LONP1: variants seen among roughly 807,000 people sequenced by gnomAD.
LONP1 encodes lon peptidase 1, mitochondrial.
In LONP1, 31 loss-of-function variants were observed where a neutral mutation model predicts 98.5. The observed-to-expected ratio is 0.31, with a 90% CI of 0.24 to 0.42. The LOEUF is 0.42. Ranked by LOEUF, LONP1 falls within the 20% of genes least tolerant of loss-of-function variation. The probability of loss-of-function intolerance (pLI) is 1.00; values close to 1 mark genes in which losing one functional copy is unlikely to be tolerated. For synonymous variants in LONP1, 781 were observed against 594.7 expected, an observed-to-expected ratio of 1.31 and a Z score of -4.56; for missense variants, 1,336 against 1,350.6, an observed-to-expected ratio of 0.99 and a Z score of 0.17.
In LONP1 at chr19:5,719,950, A is replaced by G; in HGVS notation, c.183T>C (p.Ile61=). 6.4e-7 allele frequency: 1 copy of G among 1,567,402 alleles called. No individual in the cohort carries two copies. The highest frequency in any genetic ancestry group is 8.6e-7 in the Non-Finnish European group (1 of 1,158,840). ...CCCAAAACCCCCGCCATTGGCCCCC[A>G]ATTGCCGGGCCTCGGCCCCACAGTG... The part of the protein sequence containing the change: ...PWALWGRGPA[I]GGQWRGFWEA... The change falls in exon 1 of 18, where the codon ATT becomes ATC. Residue 61 remains isoleucine, a synonymous_variant. Transcript: ENST00000360614.
At chr19:5,700,288 T>A (rs1213601355) in intron 9 of LONP1, among the ~76,000 whole-genome samples, 2 of 152,078 alleles carry the variant, frequency 1.3e-5, no homozygotes, top group African/African-American at 4.8e-5. Flanking sequence ...TAATTTTGTA[T>A]TTTTAGTATA....
In LONP1 at chr19:5,691,971, A is replaced by G. The variant is rs1292053746; in HGVS notation, c.*61T>C. On this transcript the variant is annotated 3_prime_UTR_variant, in exon 18 of 18. Transcript: ENST00000360614. ...TGCCAGGTCCGGGCGCGCTCCCCAC[A>G]GCGCTCAGTTCTGGCCCAGACAGGG... 1 of 886,428 alleles carries G rather than the reference A, an allele frequency of 1.1e-6. No homozygotes were observed. The highest frequency in any genetic ancestry group is 1.6e-5 in the African/African-American group (1 of 63,396). 54.9% of individuals were successfully genotyped at this position (886,428 alleles called of 1,614,324 possible).
chr19:5,714,327 G>A, intron 1 of LONP1, 56 bp from the exon 2 acceptor site: 1 of 1,211,308 alleles, frequency 8.3e-7, no homozygotes, highest in East Asian at 2.4e-5. Context: ...TTTTGAGACA[G>A]AGTCTCATTC....
chr19:5,716,293 T>C (rs924174097), intron 1 of LONP1, among the ~76,000 whole-genome samples: 1 of 110,688 alleles, frequency 9.0e-6, no homozygotes, highest in African/African-American at 3.3e-5. Flanking sequence ...TATATATATA[T>C]ATATATAGTA....
rs777582302 is a variant in LONP1 at position 5,719,735 on chromosome 19, G to A, written c.398C>T (p.Pro133Leu). ...AATCTTGATAAAGCGCGGGAACACC[G>A]GGTTGCGGGTGATGGCGATGAGCGG... The part of the protein sequence containing the change: ...HLPLIAITRN[P>L]VFPRFIKIIE... The change falls in exon 1 of 18, where the codon CCG becomes CTG. Residue 133 changes from proline (P) to leucine (L), a missense_variant. Physicochemically the swap from Pro to Leu is moderately conservative, Grantham distance 98. This residue lies in a region of LONP1 where 457 missense variants were observed against 403.1 expected (regional missense o/e 1.13). Transcript: ENST00000360614. The A allele has an allele frequency of 5.6e-6, 9 of 1,613,738 alleles. No individual in the cohort carries two copies. Among genetic ancestry groups the A allele is most frequent in the South Asian group, 1.1e-5 (1 of 91,088 alleles).
At chr19:5,700,677 A>C (rs1208328462) in intron 9 of LONP1, 112 bp downstream of exon 9, 5 of 1,422,742 alleles carry the variant, frequency 3.5e-6, no homozygotes, top group Non-Finnish European at 4.8e-6. Flanking sequence ...CAGCACCCCC[A>C]GGCCTACGAA....
intron 10 of LONP1, among the ~76,000 whole-genome samples, chr19:5,697,990 C>T (rs1479505725): frequency 3.4e-5 from 5 of 148,966 alleles, no homozygotes; most frequent in Non-Finnish European, 3.0e-5. Flanking sequence ...CCCACCCCTC[C>T]ACCTTCACCC....
In LONP1 at chr19:5,719,941, T is replaced by A; in HGVS notation, c.192A>T (p.Gln64His). Residue 64 changes from glutamine to histidine, a missense_variant, in exon 1 of 18, where the codon CAA becomes CAT. This residue lies in a region of LONP1 where 457 missense variants were observed against 403.1 expected (regional missense o/e 1.13). Coordinates refer to ENST00000360614, the MANE Select transcript of LONP1 (RefSeq NM_004793.4). ...LWGRGPAIGG[Q>H]WRGFWEASSR... The stretch of plus-strand genomic sequence containing the variant: ...TGCTCGCTTCCCAAAACCCCCGCCA[T>A]TGGCCCCCAATTGCCGGGCCTCGGC... 6.4e-7 allele frequency: 1 copy of A among 1,563,324 alleles called. No individual in the cohort carries two copies. The highest frequency in any genetic ancestry group is 8.6e-7 in the Non-Finnish European group (1 of 1,156,262).
At chr19:5,717,467 CA>C (rs1167550403) in intron 1 of LONP1, 2 of 152,246 alleles carry the variant, frequency 1.3e-5, no homozygotes, top group Non-Finnish European at 2.9e-5. Flanking sequence ...TGCAGCCACT[CA>C]TTTAACTCTC....
At chr19:5,716,016 G>A (rs944267711) in intron 1 of LONP1, among the ~76,000 whole-genome samples, 1 of 151,678 alleles carries the variant, frequency 6.6e-6, no homozygotes, top group South Asian at 2.1e-4. Context: ...GAAGGCGCAA[G>A]GAGCTCACCT....
At chr19:5,714,064 A>T in intron 2 of LONP1, 119 bp downstream of exon 2, 2 of 709,754 alleles carry the variant, frequency 2.8e-6, no homozygotes, top group Non-Finnish European at 4.7e-6. Flanking sequence ...TTTATTCTGG[A>T]GGTCTTCCCT....
At position 5,697,533 on chromosome 19, in the gene LONP1, G is replaced by A. The variant is rs955519192; in HGVS notation, c.1686-776C>T. Among the ~76,000 whole-genome samples, 6 of 140,178 alleles carry A rather than the reference G, an allele frequency of 4.3e-5. No homozygotes were observed. The East Asian group carries it at 8.8e-4, about 21-fold the overall frequency. The allele number at this position is 140,178 out of a possible 152,430, so 92.0% of individuals were successfully genotyped here. A position where few individuals can be genotyped will look rare whatever the true frequency, so the allele number is the denominator to read the frequency against. ...GGGGGGAGAGAAGAGGGAGGAGAGG[G>A]GGAAGAGGGAGGAGATGGAGAGGGA... On this transcript the variant is annotated intron_variant, in intron 10 of 17. Transcript: ENST00000360614.
intron 1 of LONP1, 142 bp downstream of exon 1, chr19:5,719,562 A>G: frequency 6.8e-7 from 1 of 1,478,692 alleles, no homozygotes; most frequent in Non-Finnish European, 9.1e-7. Context: ...AGTGGTGAGC[A>G]GACAAGGATT....
intron 13 of LONP1, 69 bp from the exon 14 acceptor site, chr19:5,694,970 G>T: frequency 2.0e-6 from 3 of 1,527,336 alleles, no homozygotes; most frequent in Non-Finnish European, 2.7e-6. Flanking sequence ...GAACCTGGGA[G>T]CCAATGCCTC....
intron 3 of LONP1, among the ~76,000 whole-genome samples, chr19:5,712,695 G>A (rs1371419019): frequency 2.0e-5 from 3 of 152,022 alleles, no homozygotes; most frequent in African/African-American, 4.8e-5. Flanking sequence ...GGGTCTTGCT[G>A]TGTTGCCCAG....
rs1486976217 is a variant in LONP1 at position 5,702,240 on chromosome 19, TGGGA to T, written c.1368-1317_1368-1314del. Among the ~76,000 whole-genome samples the T allele has an allele frequency of 3.6e-3, 366 of 101,556 alleles. 2 individuals carry two copies. The highest frequency in any genetic ancestry group is 5.0e-3 in the Non-Finnish European group (220 of 43,940). The allele number at this position is 101,556 out of a possible 152,430, so 66.6% of individuals were successfully genotyped here. ...CCCCCGCCCGGCTAGCCGCCCCGTCTGGGAGGGAGGTTGGGGGGGGGGTCAGCCC... is the reference window on the plus strand; with the variant it reads ...CCCCCGCCCGGCTAGCCGCCCCGTCTGGGAGGTTGGGGGGGGGGTCAGCCC... On this transcript the variant is annotated intron_variant, in intron 8 of 17. Coordinates refer to ENST00000360614, the MANE Select transcript of LONP1 (RefSeq NM_004793.4).
chr19:5,698,367 C>T (rs572231156), intron 10 of LONP1, among the ~76,000 whole-genome samples: 4 of 152,304 alleles, frequency 2.6e-5, no homozygotes, highest in Admixed American at 6.5e-5. Context: ...GCCTCACACT[C>T]GGCTCTCACT....
chr19:5,696,279 G>C lies in LONP1; in HGVS notation c.1866C>G (p.His622Gln). 8.1e-6 allele frequency: 13 copies of C among 1,613,440 alleles called. No homozygotes were observed. The highest frequency in any genetic ancestry group is 1.0e-5 in the Non-Finnish European group (12 of 1,179,896). ...ACAAGTCCACGGGCACGTCCAGGTAGTGGTCCAGGAAGTTGGCATTCTGCT... is the reference window on the plus strand; with the variant it reads ...ACAAGTCCACGGGCACGTCCAGGTACTGGTCCAGGAAGTTGGCATTCTGCT... ...DPEQNANFLDHYLDVPVDLSK... is the reference protein window; with the variant it reads ...DPEQNANFLDQYLDVPVDLSK... Residue 622 changes from histidine to glutamine, a missense_variant, in exon 12 of 18, where the codon CAC becomes CAG. Around this residue, in one of 5 missense-constraint regions of LONP1, gnomAD observed 555 missense variants for 542.6 expected, o/e 1.02. Coordinates refer to ENST00000360614, the MANE Select transcript of LONP1 (RefSeq NM_004793.4).
chr19:5,707,229 G>A lies in LONP1; in HGVS notation c.1063-86C>T, dbSNP rs2055160724. 2.8e-6 allele frequency: 3 copies of A among 1,069,360 alleles called. No homozygotes were observed. In the Admixed American group the frequency reaches 5.8e-5, roughly 21 times the overall value. The allele number at this position is 1,069,360 out of a possible 1,614,324, so 66.2% of individuals were successfully genotyped here. On this transcript the variant is annotated intron_variant, in intron 6 of 17. Transcript: ENST00000360614. ...GAGGTTGGGGGAAAATGCGCACCCT[G>A]AGAGATGCTGCCGGGAGGACCTGGC...
Sources: gnomAD v4.1 joint callset for allele counts (sites outside exome capture counted in the v4.1 genomes callset) on GRCh38, gnomAD v4.1.1 for gene constraint, gnomAD v4.1.1 regional missense constraint, MANE v1.5 for transcripts, NCBI Gene and HGNC (gene_info 2026-07-23, HGNC 2026-07-21) for gene names.